Variants in BOP1 observed in about 807,000 individuals in gnomAD.
BOP1 encodes BOP1 ribosomal biogenesis factor, also known as ribosome biogenesis protein BOP1.
A neutral mutation model predicts 82.9 loss-of-function variants in BOP1; 54 were observed. The observed-to-expected ratio is 0.65, with a 90% CI of 0.52 to 0.82. The LOEUF is 0.82. BOP1 is among the 40% of genes least tolerant of loss of function. The probability of loss-of-function intolerance (pLI) is 0.00; values close to 1 mark genes in which losing one functional copy is unlikely to be tolerated. For synonymous variants in BOP1, 566 were observed against 451.1 expected, an observed-to-expected ratio of 1.25 and a Z score of -3.23; for missense variants, 1,170 against 1,072.0, an observed-to-expected ratio of 1.09 and a Z score of -1.28.
rs902577539 is a variant in BOP1 at position 144,263,268 on chromosome 8, C to T, written c.1558G>A (p.Glu520Lys). The change falls in exon 12 of 16, where the codon GAG (glutamate) becomes AAG (lysine). Residue 520 changes from glutamate to lysine, a missense_variant. Physicochemically the swap from Glu to Lys is moderately conservative, Grantham distance 56 (BLOSUM62 1). Transcript: ENST00000569669. The part of the protein sequence containing the change: ...LQPARWLEAS[E>K]EERQVGLRLR... ...CGCAGGCCCACTTGGCGCTCCTCCT[C>T]TGAGGCCTCCAGCCAGCGGGCCGGC... The T allele has an allele frequency of 8.2e-6, 13 of 1,594,914 alleles. 1 individual carries two copies. In the Admixed American group the frequency reaches 2.2e-4, roughly 27 times the overall value.
chr8:144,266,369 G>A (rs1430264471), intron 3 of BOP1, among the ~76,000 whole-genome samples: 119 of 152,010 alleles, frequency 7.8e-4, no homozygotes, highest in African/African-American at 2.8e-3. Flanking sequence ...GCTGCTCGAG[G>A]AGCCTCCGGG....
intron 2 of BOP1, among the ~76,000 whole-genome samples, chr8:144,282,635 C>A (rs1288826015): frequency 7.9e-5 from 12 of 152,212 alleles, no homozygotes; most frequent in African/African-American, 2.9e-4. Context: ...CTGCCGTGGC[C>A]CACAGATACC....
chr8:144,284,899 C>T (rs1161404596), intron 2 of BOP1, among the ~76,000 whole-genome samples: 1 of 152,230 alleles, frequency 6.6e-6, no homozygotes, highest in African/African-American at 2.4e-5. Flanking sequence ...TCCACCCAGG[C>T]AGGTCCGGAG....
rs1588586345 is a variant in BOP1 at position 144,262,933 on chromosome 8, T to C, written c.1814A>G (p.Tyr605Cys). The C allele has an allele frequency of 2.8e-5, 44 of 1,546,338 alleles. No homozygotes were observed. Among genetic ancestry groups the C allele is most frequent in the Non-Finnish European group, 3.6e-5 (42 of 1,153,104 alleles). The change falls in exon 13 of 16, where the codon TAC becomes TGC. Residue 605 changes from tyrosine (Y) to cysteine (C), a missense_variant. By Grantham distance (194) the Tyr-to-Cys change is radical (BLOSUM62 -2). Coordinates refer to ENST00000569669, the MANE Select transcript of BOP1 (RefSeq NM_015201.5). ...GGTGAGCTCCTGGCGCAGCAGGTGG[T>C]AGAGGCGGACGCTGCGCTGGGACGC... Reference protein sequence around the residue: ...LVASQRSVRLYHLLRQELTKK... With the variant: ...LVASQRSVRLCHLLRQELTKK...
chr8:144,265,234 G>T, intron 3 of BOP1, 163 bp from the exon 4 acceptor site: 7 of 813,646 alleles, frequency 8.6e-6, no homozygotes, highest in Non-Finnish European at 1.3e-5. Flanking sequence ...CAGCCCTGGG[G>T]TCTGACGTGG....
At position 144,264,493 on chromosome 8, in the gene BOP1, CCCCAG is replaced by C; in HGVS notation, c.765+17_765+21del. The C allele has an allele frequency of 6.2e-7, 1 of 1,608,900 alleles. No homozygotes were observed. The highest frequency in any genetic ancestry group is 8.5e-7 in the Non-Finnish European group (1 of 1,179,044). The stretch of plus-strand genomic sequence containing the variant: ...TGCGGGGCGGTCAGCCCAGGCCAAG[CCCCAG>C]GGGCTGTGTGCCCCACCTTCTCCTT... On this transcript the variant is annotated intron_variant, in intron 6 of 15. Transcript: ENST00000569669.
chr8:144,276,843 C>T (rs895610652), intron 2 of BOP1, among the ~76,000 whole-genome samples: 8 of 152,202 alleles, frequency 5.3e-5, no homozygotes, highest in African/African-American at 1.4e-4. Context: ...CCGGGGGCCA[C>T]GTCCCGCCCA....
At position 144,263,274 on chromosome 8, in the gene BOP1, C is replaced by T; in HGVS notation, c.1552G>A (p.Ala518Thr). The change falls in exon 12 of 16, where the codon GCC becomes ACC. Residue 518 changes from alanine to threonine, a missense_variant. By Grantham distance (58) the Ala-to-Thr change is moderately conservative. Transcript: ENST00000569669. ...PPLQPARWLE[A>T]SEEERQVGLR... ...CCCACTTGGCGCTCCTCCTCTGAGG[C>T]CTCCAGCCAGCGGGCCGGCTGCAAG... The T allele has an allele frequency of 6.3e-7, 1 of 1,594,800 alleles. No homozygotes were observed. The highest frequency in any genetic ancestry group is 8.5e-7 in the Non-Finnish European group (1 of 1,179,170).
intron 3 of BOP1, among the ~76,000 whole-genome samples, chr8:144,271,436 GTCTC>G (rs1162154354): frequency 7.0e-4 from 106 of 152,076 alleles, no homozygotes; most frequent in African/African-American, 2.3e-3. Flanking sequence ...CCCTCGCTCC[GTCTC>G]TCTCTTCCCC....
intron 3 of BOP1, chr8:144,265,361 G>A: frequency 3.6e-6 from 2 of 552,028 alleles, no homozygotes; most frequent in Non-Finnish European, 6.5e-6. Context: ...TCCTTGGCCA[G>A]GGCTCTGGGC....
chr8:144,267,222 G>T (rs945557088), intron 3 of BOP1: 4 of 1,476,856 alleles, frequency 2.7e-6, no homozygotes, highest in African/African-American at 3.0e-5. Context: ...CCTCCAACGC[G>T]CCCCTCAGCC....
chr8:144,277,965 G>A (rs782812815), intron 2 of BOP1, among the ~76,000 whole-genome samples: 10 of 152,204 alleles, frequency 6.6e-5, no homozygotes, highest in South Asian at 4.1e-4. Context: ...CACAGACAAC[G>A]GAACATGAGC....
rs1003003808 is a variant in BOP1, at chr8:144,263,683, C to T, written c.1291+9G>A. The T allele has an allele frequency of 4.2e-5, 66 of 1,580,230 alleles. No individual in the cohort carries two copies. Among genetic ancestry groups the T allele is most frequent in the South Asian group, 1.3e-4 (11 of 87,316 alleles). On this transcript the variant is annotated intron_variant, in intron 10 of 15. Coordinates refer to ENST00000569669, the MANE Select transcript of BOP1 (RefSeq NM_015201.5). ...CCCCAGCTCAAGGCTGCCCCCAGCT[C>T]GGACCCACCTGAAACCAGCCACTGG...
At chr8:144,276,649 C>T (rs112587712) in intron 2 of BOP1, among the ~76,000 whole-genome samples, 3 of 152,304 alleles carry the variant, frequency 2.0e-5, no homozygotes, top group African/African-American at 7.2e-5. Flanking sequence ...CCGCCAACCA[C>T]CCGTACCCCC....
rs770941401 is a variant in BOP1, at chr8:144,271,896, G to A, written c.390+4328C>T. On this transcript the variant is annotated intron_variant, in intron 3 of 15. Transcript: ENST00000569669. ...TTCTCCCGGCACCTCCACCACTGGA[G>A]AGAAGCCACTACTGACCCAGGGGTC... 6.0e-4 allele frequency among the ~76,000 whole-genome samples: 92 copies of A among 152,108 alleles called. 2 individuals are homozygous for A. Among genetic ancestry groups the A allele is most frequent in the Middle Eastern group, 3.4e-3 (1 of 294 alleles).
Position 144,289,235 on chromosome 8 carries a change from C to T in BOP1, c.169G>A (p.Glu57Lys), listed in dbSNP as rs1554839827. ...GSDSGVSDSE[E>K]SVFSGLEDSG... Reference sequence around the variant, plus strand: ...TCTTCCAGGCCTGAGAACACACTTTCCTCGCTGTCGGAGACGCCAGAATCG... The same window carrying T: ...TCTTCCAGGCCTGAGAACACACTTTTCTCGCTGTCGGAGACGCCAGAATCG... Residue 57 changes from glutamate to lysine, a missense_variant, in exon 2 of 16, where the codon GAA becomes AAA. Transcript: ENST00000569669. 17 of 1,614,076 alleles carry T rather than the reference C, an allele frequency of 1.1e-5. No individual in the cohort carries two copies. The highest frequency in any genetic ancestry group is 1.1e-5 in the Non-Finnish European group (13 of 1,179,954).
rs1845283917 is a variant in BOP1 at position 144,263,526 on chromosome 8, C to T, written c.1376G>A (p.Ser459Asn). The T allele has an allele frequency of 6.3e-7, 1 of 1,599,648 alleles. No individual in the cohort carries two copies. Among genetic ancestry groups the T allele is most frequent in the African/African-American group, 1.3e-5 (1 of 74,902 alleles). ...AGCGGGGCTGGGGTTCCAGGCCACACTCTTCACCACGCCCCCCACGGGAAC... is the reference window on the plus strand; with the variant it reads ...AGCGGGGCTGGGGTTCCAGGCCACATTCTTCACCACGCCCCCCACGGGAAC... ...RTVPVGGVVK[S>N]VAWNPSPAVC... The change falls in exon 11 of 16, where the codon AGT becomes AAT. Residue 459 changes from serine (S) to asparagine (N), a missense_variant. Transcript: ENST00000569669.
At chr8:144,282,085 G>C (rs1378737237) in intron 2 of BOP1, among the ~76,000 whole-genome samples, 1 of 152,272 alleles carries the variant, frequency 6.6e-6, no homozygotes, top group Non-Finnish European at 1.5e-5. Context: ...GCGATAAAGA[G>C]AAGGCCCTGC....
At chr8:144,266,967 C>T in intron 3 of BOP1, 1 of 1,556,602 alleles carries the variant, frequency 6.4e-7, no homozygotes, top group Non-Finnish European at 8.6e-7. Context: ...AGACGCTGCG[C>T]CTGGCCTCCA....
Sources: allele counts gnomAD v4.1 joint callset (sites outside exome capture counted in the v4.1 genomes callset), GRCh38; gene constraint gnomAD v4.1.1; transcripts MANE v1.5; gene names NCBI Gene and HGNC (gene_info 2026-07-23, HGNC 2026-07-21).